CNTN4: variants seen among roughly 807,000 people sequenced by gnomAD.
The protein encoded by CNTN4 is contactin 4.
A neutral mutation model predicts 122.5 loss-of-function variants in CNTN4; 77 were observed. The observed-to-expected ratio is 0.63, with a 90% CI of 0.52 to 0.76. The LOEUF (loss-of-function observed/expected upper bound fraction) is 0.76. Ranked by LOEUF, CNTN4 falls within the 30% of genes least tolerant of loss-of-function variation. CNTN4 has a pLI of 0.00. For missense variants in CNTN4, 1,256 were observed against 1,259.1 expected (o/e 1.00, Z 0.04); for synonymous variants, 512 against 447.0 (o/e 1.15, Z -1.83).
intron 3 of CNTN4, among the ~76,000 whole-genome samples, chr3:2,518,960 G>T (rs932885607): frequency 6.6e-6 from 1 of 152,110 alleles, no homozygotes; most frequent in Non-Finnish European, 1.5e-5. Context: ...ACAAAGAGAG[G>T]CAATTGTAGG....
intron 3 of CNTN4, among the ~76,000 whole-genome samples, chr3:2,440,617 G>A (rs993271835): frequency 2.6e-5 from 4 of 151,754 alleles, no homozygotes; most frequent in Admixed American, 6.6e-5. Flanking sequence ...GTATCTATAC[G>A]TTGCAAAGCT....
At chr3:2,336,223 TG>T (rs66535569) in intron 2 of CNTN4, among the ~76,000 whole-genome samples, 18,952 of 151,364 alleles carry the variant, frequency 0.13, 1,479 homozygotes, top group Non-Finnish European at 0.18. Context: ...GTTGTTTATT[TG>T]GGGGGGGGAG....
intron 23 of CNTN4, among the ~76,000 whole-genome samples, chr3:3,046,501 A>G (rs1350220815): frequency 6.6e-6 from 1 of 152,224 alleles, no homozygotes; most frequent in Non-Finnish European, 1.5e-5. Flanking sequence ...AGAATTTTCA[A>G]TCCAGAACTT....
chr3:2,854,775 T>C (rs2093600497), intron 7 of CNTN4, among the ~76,000 whole-genome samples: 1 of 152,226 alleles, frequency 6.6e-6, no homozygotes, highest in East Asian at 1.9e-4. Context: ...GTCATATTAC[T>C]GCTTGAAGCC....
chr3:3,021,937 A>G (rs1698331044), intron 14 of CNTN4, among the ~76,000 whole-genome samples: 2 of 152,030 alleles, frequency 1.3e-5, no homozygotes, highest in African/African-American at 4.8e-5. Context: ...AATAAATAAA[A>G]CATTAGCCAG....
intron 4 of CNTN4, among the ~76,000 whole-genome samples, chr3:2,667,288 T>G (rs1359944115): frequency 6.6e-6 from 1 of 152,200 alleles, no homozygotes; most frequent in Non-Finnish European, 1.5e-5. Flanking sequence ...CCATTCTAAC[T>G]GGTGTGAGAT....
chr3:2,980,974 G>T (rs377535700), intron 13 of CNTN4, among the ~76,000 whole-genome samples: 2 of 152,220 alleles, frequency 1.3e-5, no homozygotes, highest in East Asian at 1.9e-4. Flanking sequence ...GCAAAGAGAA[G>T]GGACGATGGA....
chr3:2,259,193 C>G (rs973398792), intron 2 of CNTN4, among the ~76,000 whole-genome samples: 9 of 151,980 alleles, frequency 5.9e-5, no homozygotes, highest in African/African-American at 9.7e-5. Context: ...GCTCATAAGC[C>G]TAGGTTTTGT....
intron 2 of CNTN4, among the ~76,000 whole-genome samples, chr3:2,151,474 A>G (rs1006571689): frequency 1.3e-5 from 2 of 152,184 alleles, no homozygotes; most frequent in African/African-American, 2.4e-5. Flanking sequence ...AAATGACTGA[A>G]CACATTTCTG....
At chr3:2,251,886 A>T (rs565878632) in intron 2 of CNTN4, among the ~76,000 whole-genome samples, 4 of 151,904 alleles carry the variant, frequency 2.6e-5, no homozygotes, top group African/African-American at 9.7e-5. Context: ...CATTTCAATC[A>T]GTTGTCTAGT....
chr3:2,846,319 C>T (rs1027086505), intron 7 of CNTN4, among the ~76,000 whole-genome samples: 2 of 152,140 alleles, frequency 1.3e-5, no homozygotes, highest in African/African-American at 4.8e-5. Context: ...CTCATGAGAT[C>T]TGATGGTTTT....
At chr3:2,177,791 T>A (rs535171526) in intron 2 of CNTN4, among the ~76,000 whole-genome samples, 23 of 152,146 alleles carry the variant, frequency 1.5e-4, no homozygotes, top group African/African-American at 5.5e-4. Context: ...TTAAGCTGAA[T>A]TGATTATAGA....
intron 2 of CNTN4, among the ~76,000 whole-genome samples, chr3:2,107,225 T>A (rs2032522683): frequency 6.6e-6 from 1 of 152,208 alleles, no homozygotes. Context: ...GGTATCTTTA[T>A]AGCAGTACCC....
chr3:2,251,979 T>C (rs928429352), intron 2 of CNTN4, among the ~76,000 whole-genome samples: 5 of 151,988 alleles, frequency 3.3e-5, no homozygotes, highest in African/African-American at 1.2e-4. Flanking sequence ...CTCAGTTTCA[T>C]TGATTTAATT....
At chr3:2,421,615 C>T (rs937973738) in intron 3 of CNTN4, among the ~76,000 whole-genome samples, 1 of 152,096 alleles carries the variant, frequency 6.6e-6, no homozygotes, top group Non-Finnish European at 1.5e-5. Flanking sequence ...TAGCACCAGA[C>T]AATCAGTAGT....
intron 2 of CNTN4, among the ~76,000 whole-genome samples, chr3:2,306,077 A>G (rs1200881761): frequency 6.6e-6 from 1 of 152,156 alleles, no homozygotes; most frequent in Non-Finnish European, 1.5e-5. Context: ...GTAATTATAA[A>G]TAATGTTGCT....
chr3:2,312,993 A>G (rs1472765125), intron 2 of CNTN4, among the ~76,000 whole-genome samples: 1 of 152,082 alleles, frequency 6.6e-6, no homozygotes, highest in South Asian at 2.1e-4. Flanking sequence ...TCAGGCAAAT[A>G]TATATAGCCT....
intron 2 of CNTN4, among the ~76,000 whole-genome samples, chr3:2,335,625 T>C (rs551575327): frequency 6.6e-6 from 1 of 150,504 alleles, no homozygotes; most frequent in African/African-American, 2.4e-5. Context: ...AGGTATGAAA[T>C]TGGGTATCTA....
At chr3:2,481,994 A>G (rs907973136) in intron 3 of CNTN4, among the ~76,000 whole-genome samples, 10 of 152,358 alleles carry the variant, frequency 6.6e-5, no homozygotes, top group African/African-American at 2.4e-4. Context: ...AGACTAATAC[A>G]GTAAATTGGT....
Sources: allele counts gnomAD v4.1 joint callset (sites outside exome capture counted in the v4.1 genomes callset), GRCh38; gene constraint gnomAD v4.1.1; transcripts MANE v1.5; gene names NCBI Gene and HGNC (gene_info 2026-07-23, HGNC 2026-07-21).